The following MARF1 variants were observed in gnomAD, a reference collection of about 807,000 sequenced individuals.
The protein encoded by MARF1 is meiosis regulator and mRNA stability factor 1.
A neutral mutation model predicts 168.2 loss-of-function variants in MARF1; 24 were observed. The observed-to-expected ratio is 0.14, with a 90% CI of 0.10 to 0.20. The LOEUF (loss-of-function observed/expected upper bound fraction) is 0.20. MARF1 is among the 10% of genes least tolerant of loss of function. MARF1 has a pLI of 1.00. For synonymous variants in MARF1, 868 were observed against 822.4 expected (o/e 1.06, Z -0.95); for missense variants, 1,744 against 2,143.6 (o/e 0.81, Z 3.68).
At chr16:15,605,234 C>T (rs1244515138) in intron 21 of MARF1, among the ~76,000 whole-genome samples, 1 of 152,196 alleles carries the variant, frequency 6.6e-6, no homozygotes, top group Non-Finnish European at 1.5e-5. Context: ...CTCATCCTGA[C>T]AGCTTGTTTG....
At chr16:15,601,756 A>T (rs1596434254) in intron 23 of MARF1, 2 of 587,146 alleles carry the variant, frequency 3.4e-6, no homozygotes, top group East Asian at 5.7e-5. Flanking sequence ...ACACCTTTCT[A>T]GAGTTACAGC....
chr16:15,633,793 T>C lies in MARF1; in HGVS notation c.1057A>G (p.Ile353Val), dbSNP rs775310970. Reference sequence around the variant, plus strand: ...TTTTCAATATCCCAAAAAACTCCAATGGGGGGTAAGTTTTCTAGCACCTGT... The same window carrying C: ...TTTTCAATATCCCAAAAAACTCCAACGGGGGGTAAGTTTTCTAGCACCTGT... ...AGQVLENLPP[I>V]GVFWDIENCS... Residue 353 changes from isoleucine (I) to valine (V), a missense_variant, in exon 5 of 27, where the codon ATT becomes GTT. Ile to Val is a conservative substitution (Grantham distance 29). Around this residue, in one of 7 missense-constraint regions of MARF1, gnomAD observed 217 missense variants for 372.4 expected, o/e 0.58. Coordinates refer to ENST00000396368, the MANE Select transcript of MARF1 (RefSeq NM_014647.4). The C allele has an allele frequency of 1.2e-6, 2 of 1,614,006 alleles. No homozygotes were observed. Among genetic ancestry groups the C allele is most frequent in the Non-Finnish European group, 8.5e-7 (1 of 1,179,970 alleles).
chr16:15,611,457 A>G (rs567732221), intron 18 of MARF1, 135 bp downstream of exon 18: 1 of 805,354 alleles, frequency 1.2e-6, no homozygotes, highest in African/African-American at 1.8e-5. Context: ...AAAAAAAAAA[A>G]AAAAAAAACA....
intron 18 of MARF1, 121 bp from the exon 19 acceptor site, chr16:15,611,229 T>A: frequency 1.1e-6 from 1 of 907,142 alleles, no homozygotes; most frequent in South Asian, 1.6e-5. Context: ...GAGGCCGAGG[T>A]GGACGGATCA....
chr16:15,623,523 C>A (rs1442785557), intron 10 of MARF1, among the ~76,000 whole-genome samples: 1 of 152,042 alleles, frequency 6.6e-6, no homozygotes, highest in Non-Finnish European at 1.5e-5. Flanking sequence ...TCAAGTGATC[C>A]ACCTGCCTCA....
chr16:15,614,481 CAA>C (rs59862823), intron 16 of MARF1, among the ~76,000 whole-genome samples: 50 of 47,652 alleles, frequency 1.0e-3, no homozygotes, highest in East Asian at 7.6e-3. Context: ...GACTCCGTCT[CAA>C]AAAAAAAAAA....
intron 19 of MARF1, chr16:15,610,621 G>C (rs1369252324): frequency 5.0e-6 from 1 of 199,806 alleles, no homozygotes; most frequent in African/African-American, 2.3e-5. Flanking sequence ...AAATAAAGTA[G>C]CTCAGAGTTC....
chr16:15,639,905 G>T (rs940496599), intron 1 of MARF1, among the ~76,000 whole-genome samples: 1 of 152,062 alleles, frequency 6.6e-6, no homozygotes, highest in African/African-American at 2.4e-5. Context: ...AATAAAAAAT[G>T]AACTCTCCAT....
intron 25 of MARF1, 72 bp from the exon 26 acceptor site, chr16:15,599,096 A>G: frequency 1.5e-6 from 2 of 1,365,360 alleles, no homozygotes; most frequent in South Asian, 2.4e-5. Context: ...CTGGGCTCAC[A>G]CCTGAAGTTT....
At chr16:15,608,609 AAAC>A in intron 20 of MARF1, 91 bp from the exon 21 acceptor site, 1 of 902,852 alleles carries the variant, frequency 1.1e-6, no homozygotes, top group East Asian at 2.6e-5. Context: ...AGTAATGAAA[AAAC>A]AAGTCAGCGT....
intron 1 of MARF1, among the ~76,000 whole-genome samples, chr16:15,642,760 G>A (rs1165191177): frequency 1.3e-5 from 2 of 152,190 alleles, no homozygotes; most frequent in East Asian, 1.9e-4. Flanking sequence ...GGTCAGACAG[G>A]GGCGGGCGGG....
intron 5 of MARF1, among the ~76,000 whole-genome samples, chr16:15,633,026 TAA>T (rs1472034725): frequency 6.6e-6 from 1 of 152,074 alleles, no homozygotes; most frequent in African/African-American, 2.4e-5. Flanking sequence ...AACTAAAATA[TAA>T]ATTAGGGAGC....
In MARF1 at chr16:15,610,947, T is replaced by G. The variant is rs1567544914; in HGVS notation, c.3751+28A>C. ...TTAAAATAACAGGAGATAGACAATA[T>G]CCTTCCAGCAAATGTTAAGTCACAT... On this transcript the variant is annotated intron_variant, in intron 19 of 26. Coordinates refer to ENST00000396368, the MANE Select transcript of MARF1 (RefSeq NM_014647.4). 5.6e-6 allele frequency: 9 copies of G among 1,607,258 alleles called. No homozygotes were observed. In the Middle Eastern group the frequency reaches 6.6e-4, roughly 118 times the overall value.
intron 1 of MARF1, among the ~76,000 whole-genome samples, chr16:15,640,276 AT>A (rs1248870176): frequency 1.3e-5 from 2 of 152,252 alleles, no homozygotes; most frequent in Non-Finnish European, 2.9e-5. Flanking sequence ...TACAGAACAA[AT>A]TGAACCAATT....
intron 18 of MARF1, 145 bp downstream of exon 18, chr16:15,611,446 CA>C (rs995305393): frequency 0.1 from 42,521 of 418,096 alleles, 525 homozygotes; most frequent in African/African-American, 0.31. Context: ...GACTCCGTCT[CA>C]AAAAAAAAAA....
In MARF1 at chr16:15,596,532, G is replaced by A; in HGVS notation, c.*161C>T. The A allele has an allele frequency of 1.8e-6, 1 of 568,490 alleles. No homozygotes were observed. Among genetic ancestry groups the A allele is most frequent in the Non-Finnish European group, 2.9e-6 (1 of 344,422 alleles). 35.2% of individuals were successfully genotyped at this position (568,490 alleles called of 1,614,324 possible). A position where few individuals can be genotyped will look rare whatever the true frequency, so the allele number is the denominator to read the frequency against. ...AAAAGAAAGACTTCAGCTCAAAGCT[G>A]TGTTCAATGGAAAAGAAAAACATGA... On this transcript the variant is annotated 3_prime_UTR_variant, in exon 27 of 27. Transcript: ENST00000396368.
At chr16:15,608,685 A>G (rs1387007300) in intron 20 of MARF1, 167 bp from the exon 21 acceptor site, 1 of 609,494 alleles carries the variant, frequency 1.6e-6, no homozygotes, top group Admixed American at 2.9e-5. Context: ...CGGTTGCATA[A>G]CAATGTGAAT....
In MARF1 at chr16:15,635,879, T is replaced by C. The variant is rs1365335229; in HGVS notation, c.608A>G (p.His203Arg). Residue 203 changes from histidine (H) to arginine (R), a missense_variant, in exon 3 of 27, where the codon CAT becomes CGT. Physicochemically the swap from His to Arg is conservative, Grantham distance 29. This residue lies in a region of MARF1 where 318 missense variants were observed against 336.6 expected (regional missense o/e 0.94). Coordinates refer to ENST00000396368, the MANE Select transcript of MARF1 (RefSeq NM_014647.4). ...CCGKLHFQSCHGNVHKLHQFP... is the reference protein window; with the variant it reads ...CCGKLHFQSCRGNVHKLHQFP... ...CTGATGCAGCTTGTGCACATTACCATGACATGACTGGAAGTGGAGTTTTCC... is the reference window on the plus strand; with the variant it reads ...CTGATGCAGCTTGTGCACATTACCACGACATGACTGGAAGTGGAGTTTTCC... The C allele has an allele frequency of 1.2e-6, 2 of 1,614,164 alleles. No homozygotes were observed. Among genetic ancestry groups the C allele is most frequent in the Non-Finnish European group, 1.7e-6 (2 of 1,180,032 alleles).
chr16:15,605,314 CTT>C (rs1447550123), intron 21 of MARF1, among the ~76,000 whole-genome samples: 1 of 152,154 alleles, frequency 6.6e-6, no homozygotes, highest in African/African-American at 2.4e-5. Context: ...AGTTGGCACT[CTT>C]TGGACCGTGG....
Sources: allele counts gnomAD v4.1 joint callset (sites outside exome capture counted in the v4.1 genomes callset), GRCh38; gene constraint gnomAD v4.1.1; regional missense constraint gnomAD v4.1.1; transcripts MANE v1.5; gene names NCBI Gene and HGNC (gene_info 2026-07-23, HGNC 2026-07-21).